The following UBA2 variants were observed in gnomAD, a reference collection of about 807,000 sequenced individuals.
The protein encoded by UBA2 is ubiquitin like modifier activating enzyme 2, also known as SUMO-activating enzyme subunit 2.
UBA2 carries 11 observed loss-of-function variants against 77.2 expected under a neutral mutation model. The ratio of observed to expected loss-of-function variants is 0.14; its 90% CI spans 0.09 to 0.24. UBA2 has a LOEUF of 0.24. Among genes scored for constraint, UBA2 ranks in the 10% least tolerant of loss-of-function variants. The pLI, the probability that UBA2 is intolerant of heterozygous loss-of-function variation, is 1.00. For missense variants in UBA2, 487 were observed against 781.7 expected (o/e 0.62, Z 4.50); for synonymous variants, 278 against 276.7 (o/e 1.00, Z -0.05).
At chr19:34,447,965 G>T (rs1468622579) in intron 8 of UBA2, among the ~76,000 whole-genome samples, 1 of 152,186 alleles carries the variant, frequency 6.6e-6, no homozygotes, top group Non-Finnish European at 1.5e-5. Flanking sequence ...TTGGAAAACT[G>T]ACATAAATCC....
intron 10 of UBA2, 40 bp downstream of exon 10, chr19:34,452,187 A>T: frequency 6.7e-7 from 1 of 1,492,056 alleles, no homozygotes; most frequent in Non-Finnish European, 9.1e-7. Flanking sequence ...TACATGTCAA[A>T]AGTGTGTTTT....
In UBA2 at chr19:34,444,923, T is replaced by G. The variant is rs902091181; in HGVS notation, c.650-77T>G. On this transcript the variant is annotated intron_variant, in intron 7 of 16. Coordinates refer to ENST00000246548, the MANE Select transcript of UBA2 (RefSeq NM_005499.3). ...GGGATTTCCATGAGTGACTTTCTTT[T>G]TATTCCCAAAGGTGAGTGAAAAGAG... The G allele has an allele frequency of 4.8e-6, 7 of 1,461,132 alleles. No homozygotes were observed. In the African/African-American group the frequency reaches 8.6e-5, roughly 18 times the overall value. 90.5% of individuals were successfully genotyped at this position (1,461,132 alleles called of 1,614,324 possible).
rs571807523 is a variant in UBA2, at chr19:34,469,707, A to G, written c.*486A>G. 2.6e-5 allele frequency: 4 copies of G among 152,798 alleles called. No homozygotes were observed. Among genetic ancestry groups the G allele is most frequent in the South Asian group, 4.1e-4 (2 of 4,828 alleles). The allele number at this position is 152,798 out of a possible 1,614,324, so 9.5% of individuals were successfully genotyped here. ...TTGTTTTTAAATGTTAGATGGCACT[A>G]TGTATATTAATGTAAAACAATGTTA... is the stretch of plus-strand genomic sequence containing the variant. On this transcript the variant is annotated 3_prime_UTR_variant, in exon 17 of 17. Transcript: ENST00000246548.
At chr19:34,436,951 C>G (rs2075315371) in intron 5 of UBA2, among the ~76,000 whole-genome samples, 1 of 152,138 alleles carries the variant, frequency 6.6e-6, no homozygotes, top group Non-Finnish European at 1.5e-5. Flanking sequence ...GACGGAAGTT[C>G]TCTGTCTGCA....
chr19:34,465,637 GA>G (rs11369547), intron 15 of UBA2, among the ~76,000 whole-genome samples: 37 of 139,814 alleles, frequency 2.6e-4, no homozygotes, highest in East Asian at 1.3e-3. Flanking sequence ...CTCCATGTCA[GA>G]AAAAAAAAAA....
chr19:34,460,748 C>A lies in UBA2; in HGVS notation c.1498+182C>A, dbSNP rs2075622379. On this transcript the variant is annotated intron_variant, in intron 14 of 16. Transcript: ENST00000246548. ...ATCACACTTCCATGTTTGGGAACTCCATGTCAGACATTTTCAGGGACTGCA... is the reference window on the plus strand; with the variant it reads ...ATCACACTTCCATGTTTGGGAACTCAATGTCAGACATTTTCAGGGACTGCA... Among the ~76,000 whole-genome samples the A allele has an allele frequency of 2.0e-5, 3 of 152,152 alleles. No individual in the cohort carries two copies. The South Asian group carries it at 6.2e-4, about 32-fold the overall frequency.
At chr19:34,468,713 G>A (rs1482467145) in intron 16 of UBA2, among the ~76,000 whole-genome samples, 5 of 152,152 alleles carry the variant, frequency 3.3e-5, no homozygotes, top group Non-Finnish European at 7.3e-5. Context: ...TATTGTTGTT[G>A]CTATTGTTAC....
Position 34,454,461 on chromosome 19 carries a change from A to G in UBA2, c.1150A>G (p.Ile384Val). The change falls in exon 12 of 17, where the codon ATT (isoleucine) becomes GTT (valine). Residue 384 changes from isoleucine to valine, a missense_variant. Physicochemically the swap from Ile to Val is conservative, Grantham distance 29. Coordinates refer to ENST00000246548, the MANE Select transcript of UBA2 (RefSeq NM_005499.3). ...TTTCCCAGCAATGGCAGGGAACATTATTCCTGCTATTGCTACTACTAATGC... is the reference window on the plus strand; with the variant it reads ...TTTCCCAGCAATGGCAGGGAACATTGTTCCTGCTATTGCTACTACTAATGC... ...FDIKSMAGNI[I>V]PAIATTNAVI... is the part of the protein sequence containing the mutation. 2 of 1,598,844 alleles carry G rather than the reference A, an allele frequency of 1.3e-6. No homozygotes were observed. Among genetic ancestry groups the G allele is most frequent in the African/African-American group, 1.4e-5 (1 of 73,996 alleles).
Position 34,430,561 on chromosome 19 carries a change from T to C in UBA2, c.139-15T>C. On this transcript the variant is annotated splice_polypyrimidine_tract_variant and intron_variant, in intron 1 of 16. Transcript: ENST00000246548. ...GTAAACGTTTGTCATTTATCTGGGG[T>C]TTATGCATTTGTAGATTGATCTGGA... 1 of 1,600,594 alleles carries C rather than the reference T, an allele frequency of 6.2e-7. No individual in the cohort carries two copies.
chr19:34,459,115 C>CAGAATAAGTGCCACA (rs1429312185), intron 13 of UBA2, among the ~76,000 whole-genome samples, 191 bp downstream of exon 13: 1 of 152,100 alleles, frequency 6.6e-6, no homozygotes, highest in Non-Finnish European at 1.5e-5. Context: ...CCTCACATTC[C>CAGAATAAGTGCCACA]CAGAATGGAG....
rs2075535250 is a variant in UBA2, at chr19:34,454,364, T to C, written c.1132+11T>C. On this transcript the variant is annotated intron_variant, in intron 11 of 16. Coordinates refer to ENST00000246548, the MANE Select transcript of UBA2 (RefSeq NM_005499.3). ...GATTTGATATCAAATGTAAGTTATTTGTACTAAAGTTGTATCACTAAAACC... is the reference window on the plus strand; with the variant it reads ...GATTTGATATCAAATGTAAGTTATTCGTACTAAAGTTGTATCACTAAAACC... The C allele has an allele frequency of 6.2e-7, 1 of 1,603,716 alleles. No homozygotes were observed. Among genetic ancestry groups the C allele is most frequent in the South Asian group, 1.1e-5 (1 of 89,150 alleles).
At chr19:34,449,482 G>T (rs539887958) in intron 8 of UBA2, among the ~76,000 whole-genome samples, 67 of 152,134 alleles carry the variant, frequency 4.4e-4, no homozygotes, top group Non-Finnish European at 8.4e-4. Flanking sequence ...GATGGATTAA[G>T]TATATTTTGA....
intron 9 of UBA2, 94 bp downstream of exon 9, chr19:34,450,458 T>C: frequency 1.3e-6 from 1 of 788,782 alleles, no homozygotes; most frequent in Non-Finnish European, 1.9e-6. Context: ...AAATGATATG[T>C]CTTCATATAT....
At chr19:34,444,929 C>G (rs1477044926) in intron 7 of UBA2, 71 bp from the exon 8 acceptor site, 3 of 1,485,124 alleles carry the variant, frequency 2.0e-6, no homozygotes, top group Non-Finnish European at 2.7e-6. Flanking sequence ...CTTTTTATTC[C>G]CAAAGGTGAG....
At chr19:34,448,844 A>C (rs1223494621) in intron 8 of UBA2, among the ~76,000 whole-genome samples, 1 of 152,168 alleles carries the variant, frequency 6.6e-6, no homozygotes, top group Non-Finnish European at 1.5e-5. Flanking sequence ...GGTTCAGTAC[A>C]GAAATCTGAG....
intron 1 of UBA2, 70 bp downstream of exon 1, chr19:34,428,640 C>T: frequency 8.1e-7 from 1 of 1,231,156 alleles, no homozygotes; most frequent in South Asian, 3.7e-5. Flanking sequence ...GGTTCCGGGG[C>T]TCCAGGGGCT....
chr19:34,464,000 GT>G (rs2075660752), intron 14 of UBA2, 25 bp from the exon 15 acceptor site: 2 of 1,470,510 alleles, frequency 1.4e-6, no homozygotes, highest in South Asian at 2.3e-5. Context: ...TGTAACTGAA[GT>G]ATCTAAATTA....
intron 5 of UBA2, among the ~76,000 whole-genome samples, chr19:34,435,873 C>G (rs977200397): frequency 1.3e-5 from 2 of 150,882 alleles, no homozygotes; most frequent in African/African-American, 2.4e-5. Context: ...AATCCCAGCA[C>G]TTTTTGGGAA....
chr19:34,439,411 A>G (rs1039321365), intron 6 of UBA2, among the ~76,000 whole-genome samples: 6 of 152,250 alleles, frequency 3.9e-5, no homozygotes, highest in African/African-American at 9.6e-5. Flanking sequence ...ACCAGAATGT[A>G]TTGAATGTGG....
Sources: gnomAD v4.1 joint callset for allele counts (sites outside exome capture counted in the v4.1 genomes callset) on GRCh38, gnomAD v4.1.1 for gene constraint, MANE v1.5 for transcripts, NCBI Gene and HGNC (gene_info 2026-07-23, HGNC 2026-07-21) for gene names.